The following RSPO2 variants were observed in gnomAD, a reference collection of about 807,000 sequenced individuals.
RSPO2 encodes the protein R-spondin-2.
A neutral mutation model predicts 30.9 loss-of-function variants in RSPO2; 14 were observed. The ratio of observed to expected loss-of-function variants is 0.45; its 90% CI spans 0.30 to 0.71. RSPO2 has a LOEUF of 0.71. RSPO2 is among the 30% of genes least tolerant of loss of function. The probability of loss-of-function intolerance (pLI) is 0.08; values close to 1 mark genes in which losing one functional copy is unlikely to be tolerated. For synonymous variants in RSPO2, 107 were observed against 96.4 expected (o/e 1.11, Z -0.64); for missense variants, 264 against 301.9 (o/e 0.87, Z 0.93).
At chr8:107,977,028 T>C (rs1814240618) in intron 3 of RSPO2, among the ~76,000 whole-genome samples, 1 of 151,760 alleles carries the variant, frequency 6.6e-6, no homozygotes, top group African/African-American at 2.4e-5. Flanking sequence ...GAGAAAAAAG[T>C]TAGGGAAGGG....
chr8:108,039,151 T>C (rs1022102881), intron 2 of RSPO2, among the ~76,000 whole-genome samples: 16 of 152,168 alleles, frequency 1.1e-4, no homozygotes, highest in African/African-American at 3.9e-4. Context: ...TCTTTCACTA[T>C]GCTCTGTATT....
At chr8:107,935,775 T>C (rs1344425058) in intron 5 of RSPO2, among the ~76,000 whole-genome samples, 2 of 151,766 alleles carry the variant, frequency 1.3e-5, no homozygotes, top group Non-Finnish European at 2.9e-5. Flanking sequence ...ACACACTAAT[T>C]AAATAGCCGG....
intron 5 of RSPO2, among the ~76,000 whole-genome samples, chr8:107,934,452 A>C (rs1323698720): frequency 6.6e-6 from 1 of 151,606 alleles, no homozygotes; most frequent in Non-Finnish European, 1.5e-5. Context: ...GGCTCACTGC[A>C]ACCTCCGCCT....
chr8:107,943,319 T>C (rs1812957746), intron 5 of RSPO2, among the ~76,000 whole-genome samples: 1 of 152,224 alleles, frequency 6.6e-6, no homozygotes, highest in Non-Finnish European at 1.5e-5. Flanking sequence ...ATAATGTTAC[T>C]AAGTACTGAA....
chr8:108,028,949 T>A (rs1428732954), intron 2 of RSPO2, among the ~76,000 whole-genome samples: 1 of 87,754 alleles, frequency 1.1e-5, no homozygotes, highest in Non-Finnish European at 2.2e-5. Context: ...TGAACAAATA[T>A]AAATATCTAA....
At chr8:108,033,708 G>A (rs550908513) in intron 2 of RSPO2, among the ~76,000 whole-genome samples, 3 of 152,288 alleles carry the variant, frequency 2.0e-5, no homozygotes, top group East Asian at 3.9e-4. Flanking sequence ...TCTTGCTATG[G>A]AGTTTTTACA....
At chr8:108,010,598 G>C (rs1810673807) in intron 2 of RSPO2, among the ~76,000 whole-genome samples, 1 of 152,160 alleles carries the variant, frequency 6.6e-6, no homozygotes, top group Admixed American at 6.5e-5. Flanking sequence ...GAGATGCAGA[G>C]AGCCTGGACA....
intron 2 of RSPO2, among the ~76,000 whole-genome samples, chr8:108,081,222 C>A (rs555662555): frequency 6.6e-6 from 1 of 152,238 alleles, no homozygotes; most frequent in South Asian, 2.1e-4. Context: ...TGGAGCTCTG[C>A]GCTCAGGTGG....
chr8:108,025,802 G>A (rs1811198873), intron 2 of RSPO2, among the ~76,000 whole-genome samples: 1 of 152,194 alleles, frequency 6.6e-6, no homozygotes, highest in Non-Finnish European at 1.5e-5. Context: ...AGTTACAGAT[G>A]TGAGCCACTA....
chr8:107,966,598 T>C (rs77425964), intron 3 of RSPO2, among the ~76,000 whole-genome samples: 4,853 of 152,214 alleles, frequency 0.032, 234 homozygotes, highest in African/African-American at 0.095. Context: ...GAAGAGAAGA[T>C]GGAAAACTGA....
chr8:107,963,145 T>C (rs1350169892), intron 3 of RSPO2, among the ~76,000 whole-genome samples: 2 of 151,726 alleles, frequency 1.3e-5, no homozygotes, highest in Non-Finnish European at 2.9e-5. Context: ...AATATAAATA[T>C]GATATGTTCA....
At chr8:107,907,327 G>T (rs1330086307) in intron 5 of RSPO2, among the ~76,000 whole-genome samples, 1 of 151,912 alleles carries the variant, frequency 6.6e-6, no homozygotes, top group Non-Finnish European at 1.5e-5. Flanking sequence ...TCACTAAAAA[G>T]ATTTTACAGA....
chr8:108,059,256 C>T lies in RSPO2; in HGVS notation c.94+23289G>A, dbSNP rs560893050. Reference sequence around the variant, plus strand: ...CAAAAAAAAACATGAAAAAAATGCTCACCATCACTGGCCATCAGAGAAATG... The same window carrying T: ...CAAAAAAAAACATGAAAAAAATGCTTACCATCACTGGCCATCAGAGAAATG... On this transcript the variant is annotated intron_variant, in intron 2 of 5. Transcript: ENST00000276659. Among the ~76,000 whole-genome samples the T allele has an allele frequency of 5.9e-5, 9 of 152,008 alleles. 1 individual carries two copies. The East Asian group carries it at 7.7e-4, about 13-fold the overall frequency.
At chr8:108,012,989 G>A (rs1320516395) in intron 2 of RSPO2, among the ~76,000 whole-genome samples, 4 of 152,180 alleles carry the variant, frequency 2.6e-5, no homozygotes, top group Non-Finnish European at 5.9e-5. Context: ...TCCTGTCCAG[G>A]TTTCTGATGA....
Position 108,048,692 on chromosome 8 carries a change from A to ATT in RSPO2, c.94+33851_94+33852dup, listed in dbSNP as rs560905588. 3.3e-5 allele frequency among the ~76,000 whole-genome samples: 5 copies of ATT among 151,866 alleles called. No individual in the cohort carries two copies. In the South Asian group the frequency reaches 1.0e-3, roughly 32 times the overall value. ...CTTCAGTTCTGCTCTGATCTTAGTT[A>ATT]TTTCTTGCCTTCTGCTAGCTTTTGA... On this transcript the variant is annotated intron_variant, in intron 2 of 5. Transcript: ENST00000276659.
chr8:107,987,096 G>A (rs560903847), intron 3 of RSPO2, among the ~76,000 whole-genome samples: 5 of 152,018 alleles, frequency 3.3e-5, no homozygotes, highest in South Asian at 2.1e-4. Context: ...TGCTAACGAC[G>A]TAACATCATC....
chr8:108,015,775 A>C (rs554813424), intron 2 of RSPO2, among the ~76,000 whole-genome samples: 1 of 152,250 alleles, frequency 6.6e-6, no homozygotes, highest in African/African-American at 2.4e-5. Flanking sequence ...TTTGAAATCC[A>C]GCCCAGTTCT....
Position 108,029,054 on chromosome 8 carries a change from C to CTT in RSPO2, c.95-39812_95-39811dup, listed in dbSNP as rs71308771. 4.3e-3 allele frequency among the ~76,000 whole-genome samples: 112 copies of CTT among 26,198 alleles called. 42 individuals are homozygous for CTT. The highest frequency in any genetic ancestry group is 9.5e-3 in the Non-Finnish European group (85 of 8,922). 17.2% of individuals were successfully genotyped at this position (26,198 alleles called of 152,430 possible). On this transcript the variant is annotated intron_variant, in intron 2 of 5. Transcript: ENST00000276659. ...AACTTGGGTAACTGTTAACATGAGT[C>CTT]TTTTTTTTTTTTTTTTTTTTTTTTT...
intron 2 of RSPO2, among the ~76,000 whole-genome samples, chr8:108,081,403 T>C (rs1813190974): frequency 6.6e-6 from 1 of 152,196 alleles, no homozygotes; most frequent in Non-Finnish European, 1.5e-5. Context: ...GTTTACATCT[T>C]GGAGAAAAAG....
Sources: gnomAD v4.1 joint callset for allele counts (sites outside exome capture counted in the v4.1 genomes callset) on GRCh38, gnomAD v4.1.1 for gene constraint, MANE v1.5 for transcripts, NCBI Gene and HGNC (gene_info 2026-07-23, HGNC 2026-07-21) for gene names.